XKR4: variants seen among roughly 807,000 people sequenced by gnomAD.
XKR4 encodes the protein XK-related protein 4.
XKR4 carries 12 observed loss-of-function variants against 53.9 expected under a neutral mutation model. The observed-to-expected ratio is 0.22, with a 90% CI of 0.14 to 0.36. XKR4 has a LOEUF of 0.36. Among genes scored for constraint, XKR4 ranks in the 10% least tolerant of loss-of-function variants. The pLI is 1.00. For missense variants in XKR4, 799 were observed against 859.5 expected (o/e 0.93, Z 0.88); for synonymous variants, 354 against 362.4 (o/e 0.98, Z 0.26).
Position 55,531,141 on chromosome 8 carries a change from A to T in XKR4, c.*6914A>T, listed in dbSNP as rs1286420079. On this transcript the variant is annotated 3_prime_UTR_variant, in exon 3 of 3. Transcript: ENST00000327381. ...TCATGTGTCACTTAAGGATGGGGAT[A>T]TGTTCTGAGATATGCATCGTCAGGC... is the stretch of plus-strand genomic sequence containing the variant. The T allele has an allele frequency of 6.6e-6, 1 of 152,204 alleles. No homozygotes were observed. Among genetic ancestry groups the T allele is most frequent in the Non-Finnish European group, 1.5e-5 (1 of 68,030 alleles). 9.4% of individuals were successfully genotyped at this position (152,204 alleles called of 1,614,324 possible).
intron 1 of XKR4, among the ~76,000 whole-genome samples, chr8:55,239,204 A>G (rs1198585558): frequency 1.3e-5 from 2 of 152,216 alleles, no homozygotes; most frequent in Non-Finnish European, 2.9e-5. Flanking sequence ...AACCTGGAAA[A>G]CACTATTAGC....
intron 1 of XKR4, among the ~76,000 whole-genome samples, chr8:55,212,216 T>C (rs1563484332): frequency 6.6e-6 from 1 of 152,018 alleles, no homozygotes; most frequent in Non-Finnish European, 1.5e-5. Context: ...AGATTGTAAA[T>C]GTTTCTTATT....
intron 1 of XKR4, among the ~76,000 whole-genome samples, chr8:55,176,102 T>C (rs903962706): frequency 6.6e-6 from 1 of 152,202 alleles, no homozygotes; most frequent in Non-Finnish European, 1.5e-5. Flanking sequence ...AAATAAATCA[T>C]AGATACGCAG....
chr8:55,301,002 A>G (rs982029250), intron 1 of XKR4, among the ~76,000 whole-genome samples: 2 of 151,910 alleles, frequency 1.3e-5, no homozygotes, highest in Non-Finnish European at 2.9e-5. Flanking sequence ...TTTATTTTTT[A>G]TTATTATGAT....
chr8:55,247,355 G>A (rs1818298782), intron 1 of XKR4, among the ~76,000 whole-genome samples: 1 of 152,100 alleles, frequency 6.6e-6, no homozygotes, highest in East Asian at 1.9e-4. Flanking sequence ...ACTTCTTAAA[G>A]GAATTATTTT....
At chr8:55,478,990 A>G (rs1228353534) in intron 2 of XKR4, among the ~76,000 whole-genome samples, 1 of 152,120 alleles carries the variant, frequency 6.6e-6, no homozygotes, top group Non-Finnish European at 1.5e-5. Context: ...AGACAGATCA[A>G]CTAAACAGAA....
At chr8:55,286,539 C>T (rs1818909445) in intron 1 of XKR4, among the ~76,000 whole-genome samples, 1 of 152,088 alleles carries the variant, frequency 6.6e-6, no homozygotes, top group African/African-American at 2.4e-5. Context: ...AGGAGCTAGC[C>T]CACAGTGAGG....
intron 1 of XKR4, among the ~76,000 whole-genome samples, chr8:55,341,727 C>T (rs367837458): frequency 6.6e-5 from 10 of 152,206 alleles, no homozygotes; most frequent in East Asian, 3.8e-4. Context: ...GACAACAGGC[C>T]GGCTTTCAAA....
intron 2 of XKR4, among the ~76,000 whole-genome samples, chr8:55,429,763 A>T (rs1805073125): frequency 6.6e-6 from 1 of 152,108 alleles, no homozygotes; most frequent in Non-Finnish European, 1.5e-5. Context: ...AAAGAAAGAA[A>T]GAAAAAGAAA....
At position 55,534,565 on chromosome 8, in the gene XKR4, T is replaced by C. The variant is rs11779385; in HGVS notation, c.*10338T>C. On this transcript the variant is annotated 3_prime_UTR_variant, in exon 3 of 3. Coordinates refer to ENST00000327381, the MANE Select transcript of XKR4 (RefSeq NM_052898.2). ...ATTTTTTTGTATTTTTTAGTAGAGATGGGGTTTCACCGTGTTAGCCAGAAT... is the reference window on the plus strand; with the variant it reads ...ATTTTTTTGTATTTTTTAGTAGAGACGGGGTTTCACCGTGTTAGCCAGAAT... The C allele has an allele frequency of 0.029, 4,419 of 151,218 alleles. 74 individuals are homozygous for C. The highest frequency in any genetic ancestry group is 0.057 in the Middle Eastern group (17 of 300). 9.4% of individuals were successfully genotyped at this position (151,218 alleles called of 1,614,324 possible).
intron 2 of XKR4, among the ~76,000 whole-genome samples, chr8:55,435,118 C>A (rs754220428): frequency 3.9e-5 from 6 of 152,186 alleles, no homozygotes; most frequent in African/African-American, 7.2e-5. Flanking sequence ...ACTTGTCTAC[C>A]AGATTGTGCA....
At chr8:55,256,024 A>G (rs1818435170) in intron 1 of XKR4, among the ~76,000 whole-genome samples, 1 of 151,534 alleles carries the variant, frequency 6.6e-6, no homozygotes, top group South Asian at 2.1e-4. Flanking sequence ...CTGGAGTAGA[A>G]AAGGGATGCC....
intron 2 of XKR4, chr8:55,451,457 C>G (rs570951760): frequency 2.4e-6 from 3 of 1,251,142 alleles, no homozygotes; most frequent in Non-Finnish European, 3.4e-6. Flanking sequence ...AGGTACTTCT[C>G]CTGCTCCAGG....
At position 55,512,853 on chromosome 8, in the gene XKR4, T is replaced by C. The variant is rs997965484; in HGVS notation, c.1007-10428T>C. ...AGAAACTCTCCCACCACAGGTGTTC[T>C]TTCTGCCTTCCTCTCTACCTGGTAG... On this transcript the variant is annotated intron_variant, in intron 2 of 2. Coordinates refer to ENST00000327381, the MANE Select transcript of XKR4 (RefSeq NM_052898.2). Among the ~76,000 whole-genome samples the C allele has an allele frequency of 3.3e-5, 5 of 152,158 alleles. No homozygotes were observed. In the East Asian group the frequency reaches 5.8e-4, roughly 18 times the overall value.
At chr8:55,365,993 G>A (rs993221935) in intron 2 of XKR4, among the ~76,000 whole-genome samples, 2 of 152,152 alleles carry the variant, frequency 1.3e-5, no homozygotes, top group African/African-American at 2.4e-5. Flanking sequence ...GAACATTCCG[G>A]CTGCGGAGGG....
At chr8:55,282,866 G>C (rs1818860766) in intron 1 of XKR4, among the ~76,000 whole-genome samples, 2 of 152,276 alleles carry the variant, frequency 1.3e-5, no homozygotes, top group South Asian at 2.1e-4. Flanking sequence ...AGTCCTTCAA[G>C]TTCCATTCAT....
At chr8:55,318,923 A>G (rs552725309) in intron 1 of XKR4, among the ~76,000 whole-genome samples, 1 of 152,310 alleles carries the variant, frequency 6.6e-6, no homozygotes, top group Admixed American at 6.5e-5. Context: ...GAAGACCTAA[A>G]CAATTAATTT....
chr8:55,244,572 C>T (rs970629954), intron 1 of XKR4, among the ~76,000 whole-genome samples: 5 of 152,196 alleles, frequency 3.3e-5, no homozygotes, highest in South Asian at 4.1e-4. Flanking sequence ...TATTCCTTTG[C>T]GTATATACCT....
At chr8:55,180,153 A>C (rs1308745235) in intron 1 of XKR4, among the ~76,000 whole-genome samples, 1 of 152,230 alleles carries the variant, frequency 6.6e-6, no homozygotes, top group African/African-American at 2.4e-5. Context: ...ATAGTTGAAA[A>C]GATTCATGAG....
Sources: allele counts gnomAD v4.1 joint callset (sites outside exome capture counted in the v4.1 genomes callset), GRCh38; gene constraint gnomAD v4.1.1; transcripts MANE v1.5; gene names NCBI Gene and HGNC (gene_info 2026-07-23, HGNC 2026-07-21).